Variants in PRKAA1 observed in about 807,000 individuals in gnomAD.
PRKAA1 encodes the protein 5'-AMP-activated protein kinase catalytic subunit alpha-1.
In PRKAA1, 23 loss-of-function variants were observed where a neutral mutation model predicts 56.9. The observed-to-expected ratio is 0.40, with a 90% CI of 0.29 to 0.57. PRKAA1 has a LOEUF of 0.57. Ranked by LOEUF, PRKAA1 falls within the 20% of genes least tolerant of loss-of-function variation. The pLI is 0.39. For synonymous variants in PRKAA1, 226 were observed against 227.0 expected, an observed-to-expected ratio of 1.00 and a Z score of 0.04; for missense variants, 413 against 679.7, an observed-to-expected ratio of 0.61 and a Z score of 4.36.
At chr5:40,769,878 TAAAA>T (rs3071208) in intron 4 of PRKAA1, among the ~76,000 whole-genome samples, 1 of 109,892 alleles carries the variant, frequency 9.1e-6, no homozygotes, top group Admixed American at 9.9e-5. Context: ...TCTGATTCTT[TAAAA>T]AAAAAAAAAA....
chr5:40,774,876 AATG>A (rs1743923309), intron 3 of PRKAA1: 1 of 1,434,236 alleles, frequency 7.0e-7, no homozygotes, highest in African/African-American at 1.4e-5. Flanking sequence ...TAGTGTTCAA[AATG>A]TCCTACAAAG....
rs10594859 is a variant in PRKAA1 at position 40,785,839 on chromosome 5, CAGAGAGAGAGAGAGAG to C, written c.128-8269_128-8254del. On this transcript the variant is annotated intron_variant, in intron 1 of 8. Coordinates refer to ENST00000397128, the MANE Select transcript of PRKAA1 (RefSeq NM_006251.6). ...AGAGGAGAGCACACACACACACACACAGAGAGAGAGAGAGAGAGAGAGAGAGAGAGAGAGAGAGAGC... is the reference window on the plus strand; with the variant it reads ...AGAGGAGAGCACACACACACACACACAGAGAGAGAGAGAGAGAGAGAGAGC... Among the ~76,000 whole-genome samples the C allele has an allele frequency of 7.3e-4, 43 of 58,550 alleles. 1 individual carries two copies. In the East Asian group the frequency reaches 0.014, roughly 19 times the overall value. The allele number at this position is 58,550 out of a possible 152,430, so 38.4% of individuals were successfully genotyped here.
rs837100 is a variant in PRKAA1, at chr5:40,777,148, T to C, written c.269+297A>G. ...CTGCCTTAGCCTCCCGAGTAGCTGG[T>C]ATTACAGGCGCCCACCACCATGCCC... On this transcript the variant is annotated intron_variant, in intron 2 of 8. Transcript: ENST00000397128. The C allele has an allele frequency of 1.2e-3, 227 of 192,530 alleles. 2 individuals carry two copies. The East Asian group carries it at 0.028, about 24-fold the overall frequency. The allele number at this position is 192,530 out of a possible 1,614,324, so 11.9% of individuals were successfully genotyped here.
intron 6 of PRKAA1, among the ~76,000 whole-genome samples, chr5:40,765,710 T>C (rs1743398083): frequency 6.6e-6 from 1 of 151,094 alleles, no homozygotes; most frequent in East Asian, 1.9e-4. Context: ...AACAATTATA[T>C]GAAGATAATA....
intron 1 of PRKAA1, among the ~76,000 whole-genome samples, chr5:40,786,575 G>A (rs1744494486): frequency 6.6e-6 from 1 of 151,530 alleles, no homozygotes; most frequent in South Asian, 2.1e-4. Context: ...ACATCAAGCA[G>A]AAGAAAAGAT....
intron 1 of PRKAA1, among the ~76,000 whole-genome samples, chr5:40,789,294 G>A (rs976919449): frequency 6.6e-6 from 1 of 152,096 alleles, no homozygotes; most frequent in African/African-American, 2.4e-5. Flanking sequence ...TAAGAGAAAT[G>A]CAAATTAAAG....
intron 1 of PRKAA1, 23 bp downstream of exon 1, chr5:40,798,040 G>C (rs765821589): frequency 5.0e-6 from 8 of 1,604,826 alleles, no homozygotes; most frequent in Non-Finnish European, 6.8e-6. Context: ...CTGGGGCCAA[G>C]CCTAGTCCCG....
Position 40,759,522 on chromosome 5 carries a change from T to C in PRKAA1, c.*3256A>G, listed in dbSNP as rs1368982214. The C allele has an allele frequency of 6.6e-6, 1 of 152,308 alleles. No individual in the cohort carries two copies. The highest frequency in any genetic ancestry group is 1.9e-4 in the East Asian group (1 of 5,336). 9.4% of individuals were successfully genotyped at this position (152,308 alleles called of 1,614,324 possible). A position where few individuals can be genotyped will look rare whatever the true frequency, so the allele number is the denominator to read the frequency against. ...TACCTACCAACAATTTACAGTTATG[T>C]TGTATGTGGAATTTCATTCTTGTCA... On this transcript the variant is annotated 3_prime_UTR_variant, in exon 9 of 9. Transcript: ENST00000397128.
chr5:40,790,919 A>G (rs1744695166), intron 1 of PRKAA1, among the ~76,000 whole-genome samples: 3 of 152,218 alleles, frequency 2.0e-5, no homozygotes, highest in South Asian at 4.1e-4. Context: ...GCATAAACCT[A>G]TGATGGAGGT....
intron 3 of PRKAA1, among the ~76,000 whole-genome samples, chr5:40,773,154 T>C (rs556257014): frequency 1.2e-4 from 18 of 152,238 alleles, no homozygotes; most frequent in Admixed American, 6.5e-4. Context: ...ATGGATAATA[T>C]GGGAGAAAAT....
chr5:40,769,823 CAG>C (rs970602619), intron 4 of PRKAA1, among the ~76,000 whole-genome samples: 2 of 120,084 alleles, frequency 1.7e-5, no homozygotes, highest in African/African-American at 6.4e-5. Context: ...TAATCTATAA[CAG>C]ATGAATAGAA....
At chr5:40,785,400 C>G (rs112249603) in intron 1 of PRKAA1, among the ~76,000 whole-genome samples, 2 of 151,856 alleles carry the variant, frequency 1.3e-5, no homozygotes, top group Non-Finnish European at 2.9e-5. Context: ...CCACCTCGCC[C>G]GGCTAATTTT....
In PRKAA1 at chr5:40,759,714, A is replaced by C. The variant is rs1743086324; in HGVS notation, c.*3064T>G. 1 of 152,340 alleles carries C rather than the reference A, an allele frequency of 6.6e-6. No homozygotes were observed. The highest frequency in any genetic ancestry group is 2.4e-5 in the African/African-American group (1 of 41,450). 9.4% of individuals were successfully genotyped at this position (152,340 alleles called of 1,614,324 possible). A position where few individuals can be genotyped will look rare whatever the true frequency, so the allele number is the denominator to read the frequency against. ...GCCCCAGGCTACCAAGCATTAATTC[A>C]ATGTAAATGGTGTCACTACAACATC... On this transcript the variant is annotated 3_prime_UTR_variant, in exon 9 of 9. Coordinates refer to ENST00000397128, the MANE Select transcript of PRKAA1 (RefSeq NM_006251.6).
intron 2 of PRKAA1, among the ~76,000 whole-genome samples, chr5:40,776,421 T>C (rs1348695136): frequency 6.6e-6 from 1 of 152,152 alleles, no homozygotes; most frequent in African/African-American, 2.4e-5. Flanking sequence ...CAAATGGAAA[T>C]GTAAAGTCAG....
intron 8 of PRKAA1, among the ~76,000 whole-genome samples, chr5:40,763,763 T>C (rs1322317931): frequency 6.6e-6 from 1 of 152,214 alleles, no homozygotes; most frequent in African/African-American, 2.4e-5. Flanking sequence ...ACGTACTATA[T>C]GGACCTAAAG....
intron 1 of PRKAA1, among the ~76,000 whole-genome samples, chr5:40,789,070 G>A (rs1361961963): frequency 2.6e-5 from 4 of 151,800 alleles, no homozygotes; most frequent in Admixed American, 6.6e-5. Context: ...AATTAGCCAG[G>A]CGTGGTGGTG....
chr5:40,785,835 CACACAG>C lies in PRKAA1; in HGVS notation c.128-8255_128-8250del, dbSNP rs1166953982. Among the ~76,000 whole-genome samples the C allele has an allele frequency of 1.3e-3, 190 of 142,116 alleles. 1 individual carries two copies. The highest frequency in any genetic ancestry group is 4.1e-3 in the African/African-American group (156 of 37,632). 93.2% of individuals were successfully genotyped at this position (142,116 alleles called of 152,430 possible). Reference sequence around the variant, plus strand: ...AAGAAGAGGAGAGCACACACACACACACACAGAGAGAGAGAGAGAGAGAGAGAGAGA... The same window carrying C: ...AAGAAGAGGAGAGCACACACACACACAGAGAGAGAGAGAGAGAGAGAGAGA... On this transcript the variant is annotated intron_variant, in intron 1 of 8. Coordinates refer to ENST00000397128, the MANE Select transcript of PRKAA1 (RefSeq NM_006251.6).
chr5:40,771,969 C>G (rs837103), intron 3 of PRKAA1, 106 bp from the exon 4 acceptor site: 1,330,396 of 1,338,638 alleles, frequency 0.99, 661,389 homozygotes, highest in Non-Finnish European at 1. Flanking sequence ...AAAATCTTCC[C>G]AATGAACTTC....
At chr5:40,782,677 T>C (rs1285373739) in intron 1 of PRKAA1, among the ~76,000 whole-genome samples, 2 of 151,908 alleles carry the variant, frequency 1.3e-5, no homozygotes, top group African/African-American at 4.8e-5. Context: ...AAACAGTAGG[T>C]AGTAGCAATA....
Sources: allele counts gnomAD v4.1 joint callset (sites outside exome capture counted in the v4.1 genomes callset), GRCh38; gene constraint gnomAD v4.1.1; transcripts MANE v1.5; gene names NCBI Gene and HGNC (gene_info 2026-07-23, HGNC 2026-07-21).